MOB4: variants seen among roughly 807,000 people sequenced by gnomAD.
MOB4 encodes the protein MOB family member 4, phocein.
MOB4 carries 4 observed loss-of-function variants against 32.2 expected under a neutral mutation model. That is an observed-to-expected ratio of 0.12 (90% CI 0.06 to 0.28). MOB4 has a LOEUF of 0.28. Among genes scored for constraint, MOB4 ranks in the 10% least tolerant of loss-of-function variants. The pLI, the probability that MOB4 is intolerant of heterozygous loss-of-function variation, is 1.00. For missense variants in MOB4, 158 were observed against 271.2 expected (o/e 0.58, Z 2.93); for synonymous variants, 88 against 88.1 (o/e 1.00, Z 0.01).
chr2:197,538,072 T>G (rs1455605623), intron 3 of MOB4, among the ~76,000 whole-genome samples: 1 of 151,890 alleles, frequency 6.6e-6, no homozygotes, highest in Admixed American at 6.6e-5. Context: ...GCCACCACAC[T>G]TGGCCGTTTT....
chr2:197,520,965 A>G (rs7599921), intron 1 of MOB4, among the ~76,000 whole-genome samples: 4,960 of 149,046 alleles, frequency 0.033, 271 homozygotes, highest in African/African-American at 0.11. Context: ...GGTTTATTTG[A>G]TGTTTCCTTC....
At chr2:197,525,416 G>A (rs1244375070) in intron 2 of MOB4, among the ~76,000 whole-genome samples, 2 of 151,782 alleles carry the variant, frequency 1.3e-5, no homozygotes, top group African/African-American at 4.8e-5. Context: ...AAATAAAAGA[G>A]ACATATAGTT....
chr2:197,549,660 C>A (rs2087059289), intron 6 of MOB4, among the ~76,000 whole-genome samples: 1 of 151,940 alleles, frequency 6.6e-6, no homozygotes, highest in Non-Finnish European at 1.5e-5. Flanking sequence ...AGCGTTTCTC[C>A]TGCCTCAGCC....
chr2:197,532,187 G>C (rs1415917938), intron 2 of MOB4, among the ~76,000 whole-genome samples: 1 of 152,178 alleles, frequency 6.6e-6, no homozygotes, highest in Non-Finnish European at 1.5e-5. Flanking sequence ...GGGATTACAG[G>C]AGTGAGCCAT....
intron 6 of MOB4, among the ~76,000 whole-genome samples, chr2:197,548,999 C>T (rs567758865): frequency 2.6e-5 from 4 of 152,114 alleles, no homozygotes; most frequent in South Asian, 2.1e-4. Context: ...GAGGCCGAGG[C>T]GTGCGGATCA....
rs2087094012 is a variant in MOB4, at chr2:197,551,315, A to C, written c.*669A>C. The C allele has an allele frequency of 1.3e-5, 2 of 152,752 alleles. No homozygotes were observed. The highest frequency in any genetic ancestry group is 4.1e-4 in the South Asian group (2 of 4,828). The allele number at this position is 152,752 out of a possible 1,614,324, so 9.5% of individuals were successfully genotyped here. A position where few individuals can be genotyped will look rare whatever the true frequency, so the allele number is the denominator to read the frequency against. On this transcript the variant is annotated 3_prime_UTR_variant, in exon 8 of 8. Transcript: ENST00000323303. ...CAGGATGATCACAATGGTAAGGCAC[A>C]TAAATTATTTTCCCACTGGAAACCT...
intron 4 of MOB4, 96 bp downstream of exon 4, chr2:197,540,249 T>G: frequency 6.7e-7 from 1 of 1,501,286 alleles, no homozygotes. Context: ...GTATCCACAT[T>G]TCTAACTTTC....
upstream of MOB4, chr2:197,516,029 G>A (rs920333694): frequency 4.5e-5 from 68 of 1,524,182 alleles, no homozygotes; most frequent in Middle Eastern, 8.4e-4. Flanking sequence ...CCCGCCCCCC[G>A]CGCAGGCTGC....
At chr2:197,542,828 G>A (rs749300801) in intron 5 of MOB4, among the ~76,000 whole-genome samples, 1 of 152,106 alleles carries the variant, frequency 6.6e-6, no homozygotes, top group African/African-American at 2.4e-5. Context: ...AGAATTAACT[G>A]GGGGAAGGTG....
chr2:197,544,564 T>C (rs1054095401), intron 5 of MOB4, among the ~76,000 whole-genome samples: 8 of 152,178 alleles, frequency 5.3e-5, no homozygotes, highest in East Asian at 3.9e-4. Flanking sequence ...CCATCCTGGC[T>C]AACACGGTGA....
chr2:197,532,088 T>C (rs2086715579), intron 2 of MOB4, among the ~76,000 whole-genome samples: 1 of 151,772 alleles, frequency 6.6e-6, no homozygotes, highest in South Asian at 2.1e-4. Context: ...TTTGTATTTT[T>C]AGTAGAGATG....
intron 2 of MOB4, among the ~76,000 whole-genome samples, chr2:197,531,387 A>G (rs1002194717): frequency 1.3e-5 from 2 of 152,094 alleles, no homozygotes; most frequent in Non-Finnish European, 2.9e-5. Flanking sequence ...GGCATGAAGT[A>G]CATTCCCATT....
chr2:197,515,759 T>C, upstream of MOB4: 1 of 390,910 alleles, frequency 2.6e-6, no homozygotes, highest in Non-Finnish European at 4.6e-6. Context: ...CATACCAACG[T>C]GCAACGCAGC....
Position 197,540,408 on chromosome 2 carries a change from C to T in MOB4, c.325C>T (p.Leu109Phe). ...QMTATEQWIFLCAAHKTPKEC... is the reference protein window; with the variant it reads ...QMTATEQWIFFCAAHKTPKEC... ...GACAGCAACTGAACAATGGATTTTT[C>T]TTTGTGCAGCTCATAAAACTCCAAA... The change falls in exon 5 of 8, where the codon CTT becomes TTT. Residue 109 changes from leucine to phenylalanine, a missense_variant. By Grantham distance (22) the Leu-to-Phe change is conservative. Transcript: ENST00000323303. 1 of 1,592,528 alleles carries T rather than the reference C, an allele frequency of 6.3e-7. No individual in the cohort carries two copies. Among genetic ancestry groups the T allele is most frequent in the Non-Finnish European group, 8.5e-7 (1 of 1,172,690 alleles).
rs542834222 is a variant in MOB4 at position 197,518,842 on chromosome 2, A to G, written c.60+2696A>G. Among the ~76,000 whole-genome samples, 46 of 152,042 alleles carry G rather than the reference A, an allele frequency of 3.0e-4. 1 individual carries two copies. The East Asian group carries it at 8.9e-3, about 29-fold the overall frequency. On this transcript the variant is annotated intron_variant, in intron 1 of 7. Transcript: ENST00000323303. ...ACGATCTTGGCTCACTGCAAGTTCC[A>G]CGTCCCGGGTTCACGCTGTTCTTCT...
intron 1 of MOB4, among the ~76,000 whole-genome samples, chr2:197,520,448 A>G (rs868221636): frequency 6.6e-6 from 1 of 151,986 alleles, no homozygotes; most frequent in Non-Finnish European, 1.5e-5. Context: ...TATTCATTTT[A>G]TATACACTGT....
At chr2:197,519,808 TA>T (rs1302399666) in intron 1 of MOB4, among the ~76,000 whole-genome samples, 1 of 152,218 alleles carries the variant, frequency 6.6e-6, no homozygotes, top group Non-Finnish European at 1.5e-5. Context: ...TTAGTTTTTT[TA>T]AAAAGGAAAG....
Position 197,552,621 on chromosome 2 carries a change from T to C in MOB4, c.*1975T>C, listed in dbSNP as rs2087116118. 4 of 152,354 alleles carry C rather than the reference T, an allele frequency of 2.6e-5. No individual in the cohort carries two copies. The highest frequency in any genetic ancestry group is 5.9e-5 in the Non-Finnish European group (4 of 68,032). 9.4% of individuals were successfully genotyped at this position (152,354 alleles called of 1,614,324 possible). A position where few individuals can be genotyped will look rare whatever the true frequency, so the allele number is the denominator to read the frequency against. On this transcript the variant is annotated 3_prime_UTR_variant, in exon 8 of 8. Coordinates refer to ENST00000323303, the MANE Select transcript of MOB4 (RefSeq NM_015387.5). ...ATAAAACATCTCCAAAAGAAAATAA[T>C]CAGTTTGTAGTCTTGCTTTTGTATT...
At chr2:197,531,540 A>G (rs1051276077) in intron 2 of MOB4, among the ~76,000 whole-genome samples, 50 of 151,822 alleles carry the variant, frequency 3.3e-4, no homozygotes, top group African/African-American at 1.1e-3. Flanking sequence ...CTTTTTACAA[A>G]CTTGGAAACT....
Sources: gnomAD v4.1 joint callset for allele counts (sites outside exome capture counted in the v4.1 genomes callset) on GRCh38, gnomAD v4.1.1 for gene constraint, MANE v1.5 for transcripts, NCBI Gene and HGNC (gene_info 2026-07-23, HGNC 2026-07-21) for gene names.